Variants in HSD11B1 observed in about 807,000 individuals in gnomAD.
HSD11B1 encodes 11-beta-hydroxysteroid dehydrogenase 1.
HSD11B1 carries 15 observed loss-of-function variants against 22.1 expected under a neutral mutation model. The ratio of observed to expected loss-of-function variants is 0.68; its 90% CI spans 0.45 to 1.04. The LOEUF is 1.04. Among genes scored for constraint, HSD11B1 ranks in the 50% least tolerant of loss-of-function variants. HSD11B1 has a pLI of 0.00. For missense variants in HSD11B1, 281 were observed against 357.6 expected, an observed-to-expected ratio of 0.79 and a Z score of 1.73; for synonymous variants, 122 against 125.2, an observed-to-expected ratio of 0.97 and a Z score of 0.17.
At chr1:209,700,633 A>G (rs1287236104), upstream of HSD11B1, among the ~76,000 whole-genome samples, 1 of 152,262 alleles carries the variant, frequency 6.6e-6, no homozygotes, top group East Asian at 1.9e-4. Context: ...TGCAAATTTC[A>G]GCAGCTGGCT....
At chr1:209,710,895 C>T (rs1412773490) in intron 4 of HSD11B1, among the ~76,000 whole-genome samples, 2 of 152,212 alleles carry the variant, frequency 1.3e-5, no homozygotes, top group Non-Finnish European at 2.9e-5. Flanking sequence ...TATAGATAGT[C>T]TTATTCAAAT....
At chr1:209,705,130 T>C in intron 1 of HSD11B1, 100 bp downstream of exon 1, 1 of 966,718 alleles carries the variant, frequency 1.0e-6, no homozygotes, top group Non-Finnish European at 1.7e-6. Context: ...TCCTCAAAGT[T>C]GGTGAAAATG....
intron 5 of HSD11B1, among the ~76,000 whole-genome samples, chr1:209,733,304 G>A (rs2077047054): frequency 6.6e-6 from 1 of 152,036 alleles, no homozygotes; most frequent in Non-Finnish European, 1.5e-5. Flanking sequence ...AATCATAAGA[G>A]AACAATGAAC....
chr1:209,729,766 A>G, intron 4 of HSD11B1, among the ~76,000 whole-genome samples: 1 of 152,264 alleles, frequency 6.6e-6, no homozygotes, highest in East Asian at 1.9e-4. Flanking sequence ...ACAACATTTT[A>G]AAGGATCATT....
At position 209,705,886 on chromosome 1, in the gene HSD11B1, C is replaced by G; in HGVS notation, c.164C>G (p.Ala55Gly). ...GIGREMAYHL[A>G]KMGAHVVVTA... Reference sequence around the variant, plus strand: ...GGAAGAGAGATGGCTTATCATCTGGCGAAGATGGGAGCCCATGTGGTGGTG... The same window carrying G: ...GGAAGAGAGATGGCTTATCATCTGGGGAAGATGGGAGCCCATGTGGTGGTG... Residue 55 changes from alanine (A) to glycine (G), a missense_variant, in exon 2 of 6, where the codon GCG becomes GGG. Coordinates refer to ENST00000367027, the MANE Select transcript of HSD11B1 (RefSeq NM_005525.4). 6.2e-7 allele frequency: 1 copy of G among 1,613,858 alleles called. No individual in the cohort carries two copies. Among genetic ancestry groups the G allele is most frequent in the Non-Finnish European group, 8.5e-7 (1 of 1,179,890 alleles).
intron 4 of HSD11B1, among the ~76,000 whole-genome samples, chr1:209,707,972 C>T (rs1318060010): frequency 1.3e-5 from 2 of 151,544 alleles, no homozygotes; most frequent in East Asian, 3.9e-4. Context: ...GGTGTATTCT[C>T]TAAAATTTGA....
At chr1:209,708,442 T>A (rs1293423153) in intron 4 of HSD11B1, among the ~76,000 whole-genome samples, 1 of 152,232 alleles carries the variant, frequency 6.6e-6, no homozygotes. Context: ...AGGGGCAGTG[T>A]GTCTGTGCTA....
chr1:209,688,322 T>C lies in HSD11B1; in HGVS notation c.-49+2037T>C, dbSNP rs141576341. Among the ~76,000 whole-genome samples the C allele has an allele frequency of 3.7e-3, 563 of 152,284 alleles. 5 individuals are homozygous for C. Among genetic ancestry groups the C allele is most frequent in the Middle Eastern group, 3.4e-3 (1 of 294 alleles). On this transcript the variant is annotated intron_variant, in intron 1 of 6. Coordinates refer to the HSD11B1 transcript ENST00000261465. Reference sequence around the variant, plus strand: ...GCTCCAGGACCACCTCCCAGAGCCCTTTCCTGCTGCCATGGCCTGTCCCTT... The same window carrying C: ...GCTCCAGGACCACCTCCCAGAGCCCCTTCCTGCTGCCATGGCCTGTCCCTT...
At chr1:209,723,020 G>T (rs1244786969) in intron 4 of HSD11B1, among the ~76,000 whole-genome samples, 6 of 152,130 alleles carry the variant, frequency 3.9e-5, no homozygotes, top group Non-Finnish European at 7.3e-5. Flanking sequence ...TCTGGCTCTT[G>T]CTGTTTCTAC....
intron 4 of HSD11B1, among the ~76,000 whole-genome samples, chr1:209,724,397 C>A (rs1028361360): frequency 7.9e-5 from 12 of 152,196 alleles, no homozygotes; most frequent in African/African-American, 2.7e-4. Flanking sequence ...TCTTCTCTGG[C>A]CTCCCAGTGT....
chr1:209,717,871 C>CAAA (rs1015577238), intron 4 of HSD11B1, among the ~76,000 whole-genome samples: 17 of 39,362 alleles, frequency 4.3e-4, no homozygotes, highest in African/African-American at 9.3e-4. Flanking sequence ...GACTCCATCT[C>CAAA]AAAAAAAAAA....
intron 4 of HSD11B1, among the ~76,000 whole-genome samples, chr1:209,714,077 C>A (rs1322278677): frequency 1.3e-5 from 2 of 152,188 alleles, no homozygotes; most frequent in East Asian, 3.8e-4. Flanking sequence ...CTGAGTCAGG[C>A]ACTATGCCAG....
chr1:209,711,859 G>A (rs1229384546), intron 4 of HSD11B1, among the ~76,000 whole-genome samples: 1 of 152,176 alleles, frequency 6.6e-6, no homozygotes, highest in African/African-American at 2.4e-5. Flanking sequence ...GAGTGGGGGA[G>A]ATTTGAAAGG....
intron 1 of HSD11B1, among the ~76,000 whole-genome samples, chr1:209,691,662 G>T (rs1189881595): frequency 6.6e-6 from 1 of 152,076 alleles, no homozygotes; most frequent in Non-Finnish European, 1.5e-5. Context: ...TAGAAGAAAA[G>T]AAATGCATCA....
Position 209,732,428 on chromosome 1 carries a change from T to A in HSD11B1, c.518-8T>A. 4 of 1,614,076 alleles carry A rather than the reference T, an allele frequency of 2.5e-6. No homozygotes were observed. Among genetic ancestry groups the A allele is most frequent in the Non-Finnish European group, 3.4e-6 (4 of 1,179,968 alleles). ...CTTATTAACCCATTTCTTTAATCTGTCATTTAGGGAAAGTGGCTTATCCAA... is the reference window on the plus strand; with the variant it reads ...CTTATTAACCCATTTCTTTAATCTGACATTTAGGGAAAGTGGCTTATCCAA... On this transcript the variant is annotated splice_region_variant and splice_polypyrimidine_tract_variant and intron_variant, in intron 4 of 5. Coordinates refer to ENST00000367027, the MANE Select transcript of HSD11B1 (RefSeq NM_005525.4).
intron 4 of HSD11B1, among the ~76,000 whole-genome samples, chr1:209,722,888 A>G (rs2076975318): frequency 6.6e-6 from 1 of 152,202 alleles, no homozygotes; most frequent in South Asian, 2.1e-4. Context: ...TAATCATTTC[A>G]AAATCTCAGC....
chr1:209,723,240 C>T (rs959952787), intron 4 of HSD11B1, among the ~76,000 whole-genome samples: 11 of 152,184 alleles, frequency 7.2e-5, no homozygotes, highest in African/African-American at 2.7e-4. Flanking sequence ...CCCACCCTCC[C>T]ACATAAGCCA....
Position 209,734,542 on chromosome 1 carries a change from A to C in HSD11B1, c.*21A>C, listed in dbSNP as rs1558202299. 1 of 1,557,400 alleles carries C rather than the reference A, an allele frequency of 6.4e-7. No homozygotes were observed. Among genetic ancestry groups the C allele is most frequent in the East Asian group, 2.2e-5 (1 of 44,632 alleles). ...AGTAGGAACTCCCTGAGGGCTGGGC[A>C]TGCTGAGGGATTTTGGGACTGTTCT... On this transcript the variant is annotated 3_prime_UTR_variant, in exon 6 of 6. Coordinates refer to ENST00000367027, the MANE Select transcript of HSD11B1 (RefSeq NM_005525.4).
chr1:209,702,786 G>T (rs139368751), upstream of HSD11B1, among the ~76,000 whole-genome samples: 3 of 152,198 alleles, frequency 2.0e-5, no homozygotes, highest in East Asian at 5.8e-4. Flanking sequence ...AGTATACAAG[G>T]GTCCTGAGAC....
Sources: gnomAD v4.1 joint callset for allele counts (sites outside exome capture counted in the v4.1 genomes callset) on GRCh38, gnomAD v4.1.1 for gene constraint, MANE v1.5 for transcripts, NCBI Gene and HGNC (gene_info 2026-07-23, HGNC 2026-07-21) for gene names.